The following ADAMTS20 variants were observed in gnomAD, a reference collection of about 807,000 sequenced individuals.
The protein encoded by ADAMTS20 is ADAM metallopeptidase with thrombospondin type 1 motif 20.
A neutral mutation model predicts 260.1 loss-of-function variants in ADAMTS20; 225 were observed. That is an observed-to-expected ratio of 0.87 (90% CI 0.78 to 0.97). The LOEUF (loss-of-function observed/expected upper bound fraction) is 0.97, where lower values mean the gene tolerates loss of function less well. ADAMTS20 is among the 50% of genes least tolerant of loss of function. The pLI is 0.00. For synonymous variants in ADAMTS20, 802 were observed against 769.5 expected (o/e 1.04, Z -0.70); for missense variants, 2,400 against 2,337.7 (o/e 1.03, Z -0.55).
chr12:43,492,429 A>G, intron 6 of ADAMTS20, 76 bp downstream of exon 6: 1 of 1,470,500 alleles, frequency 6.8e-7, no homozygotes, highest in Non-Finnish European at 9.2e-7. Context: ...CAAAAAAAAG[A>G]ATTAAGAAGA....
intron 2 of ADAMTS20, among the ~76,000 whole-genome samples, chr12:43,539,290 G>A (rs1014851515): frequency 6.6e-6 from 1 of 152,094 alleles, no homozygotes; most frequent in Non-Finnish European, 1.5e-5. Flanking sequence ...CTTGAGACAT[G>A]TCTAGGATAT....
At chr12:43,476,868 A>G (rs984938136) in intron 7 of ADAMTS20, among the ~76,000 whole-genome samples, 2 of 150,908 alleles carry the variant, frequency 1.3e-5, no homozygotes, top group African/African-American at 4.9e-5. Context: ...GGGGGGAGGG[A>G]TAGCATTGGG....
At chr12:43,430,586 C>T in intron 22 of ADAMTS20, 115 bp from the exon 23 acceptor site, 3 of 970,584 alleles carry the variant, frequency 3.1e-6, no homozygotes, top group Non-Finnish European at 4.2e-6. Context: ...TTTTATCAAT[C>T]CTTTATACTA....
At chr12:43,545,483 C>T (rs1943430331) in intron 2 of ADAMTS20, among the ~76,000 whole-genome samples, 1 of 152,178 alleles carries the variant, frequency 6.6e-6, no homozygotes, top group Non-Finnish European at 1.5e-5. Flanking sequence ...TCTCACAACT[C>T]TCTTAATCAC....
At chr12:43,506,597 G>A (rs1188304809) in intron 3 of ADAMTS20, among the ~76,000 whole-genome samples, 11 of 151,510 alleles carry the variant, frequency 7.3e-5, no homozygotes, top group Admixed American at 4.6e-4. Context: ...CTCCTGCCTC[G>A]GCCTCCTGAG....
chr12:43,501,683 A>AATACT (rs1465585977), intron 4 of ADAMTS20, among the ~76,000 whole-genome samples: 3 of 152,266 alleles, frequency 2.0e-5, no homozygotes, highest in Non-Finnish European at 4.4e-5. Context: ...CATTAGTAAT[A>AATACT]ATCTATCCCT....
chr12:43,437,263 GAATA>G (rs1158651025), intron 18 of ADAMTS20, among the ~76,000 whole-genome samples: 1 of 152,010 alleles, frequency 6.6e-6, no homozygotes, highest in Admixed American at 6.6e-5. Flanking sequence ...GAATTTGAGA[GAATA>G]AATTAGAAAA....
In ADAMTS20 at chr12:43,466,911, T is replaced by C. The variant is rs1012495759; in HGVS notation, c.1224-116A>G. 29 of 797,732 alleles carry C rather than the reference T, an allele frequency of 3.6e-5. No individual in the cohort carries two copies. In the African/African-American group the frequency reaches 4.7e-4, roughly 13 times the overall value. 49.4% of individuals were successfully genotyped at this position (797,732 alleles called of 1,614,324 possible). A position where few individuals can be genotyped will look rare whatever the true frequency, so the allele number is the denominator to read the frequency against. On this transcript the variant is annotated intron_variant, in intron 8 of 38. Coordinates refer to ENST00000389420, the MANE Select transcript of ADAMTS20 (RefSeq NM_025003.5). ...TAAAATATAGATAAATCTGGTTATA[T>C]CATAATTTGAACTCCATCTATCCAT...
At position 43,454,058 on chromosome 12, in the gene ADAMTS20, A is replaced by C; in HGVS notation, c.1615-6T>G. 1 of 1,608,692 alleles carries C rather than the reference A, an allele frequency of 6.2e-7. No individual in the cohort carries two copies. Among genetic ancestry groups the C allele is most frequent in the Non-Finnish European group, 8.5e-7 (1 of 1,178,224 alleles). On this transcript the variant is annotated splice_polypyrimidine_tract_variant and splice_region_variant and intron_variant, in intron 11 of 38. Coordinates refer to ENST00000389420, the MANE Select transcript of ADAMTS20 (RefSeq NM_025003.5). The stretch of plus-strand genomic sequence containing the variant: ...CATAGCCCATGACGGCAATGCTATA[A>C]AAATAATAAGCACAAAAAGAAATGA...
At chr12:43,418,948 A>AT (rs1941180791) in intron 28 of ADAMTS20, among the ~76,000 whole-genome samples, 1 of 152,134 alleles carries the variant, frequency 6.6e-6, no homozygotes, top group African/African-American at 2.4e-5. Context: ...TGTGAGGTAT[A>AT]TTTTTCAGCT....
chr12:43,369,148 C>T, intron 37 of ADAMTS20, 142 bp downstream of exon 37: 1 of 460,582 alleles, frequency 2.2e-6, no homozygotes, highest in South Asian at 7.3e-5. Context: ...TTATCTATAA[C>T]CTTTGAAACA....
Position 43,414,155 on chromosome 12 carries a change from TTCTTC to T in ADAMTS20, c.4284+11354_4284+11358del, listed in dbSNP as rs372012345. ...AGAAATAGTGCAGGGAGACTAATCTTTCTTCTCTTAAGTAAACCAGCAGAGTAAAG... is the reference window on the plus strand; with the variant it reads ...AGAAATAGTGCAGGGAGACTAATCTTTCTTAAGTAAACCAGCAGAGTAAAG... On this transcript the variant is annotated intron_variant, in intron 28 of 38. Transcript: ENST00000389420. Among the ~76,000 whole-genome samples the T allele has an allele frequency of 4.2e-3, 641 of 152,288 alleles. 3 individuals are homozygous for T. Among genetic ancestry groups the T allele is most frequent in the African/African-American group, 0.015 (606 of 41,558 alleles).
intron 8 of ADAMTS20, 78 bp downstream of exon 8, chr12:43,468,522 C>T: frequency 1.1e-6 from 1 of 898,324 alleles, no homozygotes; most frequent in South Asian, 1.5e-5. Flanking sequence ...ACTAATTACT[C>T]AACTGAAGAT....
At chr12:43,379,347 A>G (rs553538633) in intron 31 of ADAMTS20, among the ~76,000 whole-genome samples, 2 of 152,260 alleles carry the variant, frequency 1.3e-5, no homozygotes, top group East Asian at 3.9e-4. Context: ...TGTCCATCAG[A>G]GCTTTGAAAA....
chr12:43,449,465 C>A (rs1416459782), intron 14 of ADAMTS20, among the ~76,000 whole-genome samples: 1 of 151,978 alleles, frequency 6.6e-6, no homozygotes, highest in African/African-American at 2.4e-5. Context: ...AGGGGAACAA[C>A]ACACACTGGG....
In ADAMTS20 at chr12:43,550,894, C is replaced by A; in HGVS notation, c.453+15G>T. On this transcript the variant is annotated intron_variant, in intron 2 of 38. Transcript: ENST00000389420. Reference sequence around the variant, plus strand: ...TGGATCCCAAGAAAATGCCAAGGGACCCGAGGACACTCACCAGGCCTCCGC... The same window carrying A: ...TGGATCCCAAGAAAATGCCAAGGGAACCGAGGACACTCACCAGGCCTCCGC... 1 of 1,521,796 alleles carries A rather than the reference C, an allele frequency of 6.6e-7. No homozygotes were observed. Among genetic ancestry groups the A allele is most frequent in the Non-Finnish European group, 8.8e-7 (1 of 1,133,410 alleles). The allele number at this position is 1,521,796 out of a possible 1,614,324, so 94.3% of individuals were successfully genotyped here. A position where few individuals can be genotyped will look rare whatever the true frequency, so the allele number is the denominator to read the frequency against.
At chr12:43,441,440 T>C (rs1346533726) in intron 16 of ADAMTS20, among the ~76,000 whole-genome samples, 1 of 150,074 alleles carries the variant, frequency 6.7e-6, no homozygotes, top group Non-Finnish European at 1.5e-5. Flanking sequence ...GAAATCAATG[T>C]GGGATAAAAA....
At chr12:43,514,102 A>G (rs201772992) in intron 3 of ADAMTS20, among the ~76,000 whole-genome samples, 3,422 of 150,512 alleles carry the variant, frequency 0.023, 60 homozygotes, top group East Asian at 0.074. Flanking sequence ...AAAAAAAAAA[A>G]AAAAAAAAGT....
In ADAMTS20 at chr12:43,354,024, C is replaced by G; in HGVS notation, c.*185G>C. ...AGATATAAAATAAATTAAGATAGCT[C>G]TTAAATTTCTTTTATAGACCTTATT... On this transcript the variant is annotated 3_prime_UTR_variant, in exon 39 of 39. Coordinates refer to ENST00000389420, the MANE Select transcript of ADAMTS20 (RefSeq NM_025003.5). 2.4e-6 allele frequency: 1 copy of G among 408,614 alleles called. No individual in the cohort carries two copies. Among genetic ancestry groups the G allele is most frequent in the Non-Finnish European group, 4.4e-6 (1 of 229,624 alleles). The allele number at this position is 408,614 out of a possible 1,614,324, so 25.3% of individuals were successfully genotyped here.
Sources: gnomAD v4.1 joint callset for allele counts (sites outside exome capture counted in the v4.1 genomes callset) on GRCh38, gnomAD v4.1.1 for gene constraint, MANE v1.5 for transcripts, NCBI Gene and HGNC (gene_info 2026-07-23, HGNC 2026-07-21) for gene names.